Variants in NOTCH3 observed in about 807,000 individuals in gnomAD.
NOTCH3 encodes notch receptor 3, also known as neurogenic locus notch homolog protein 3.
NOTCH3 carries 86 observed loss-of-function variants against 213.3 expected under a neutral mutation model. The ratio of observed to expected loss-of-function variants is 0.40; its 90% CI spans 0.34 to 0.48. The LOEUF (loss-of-function observed/expected upper bound fraction) is 0.48, where lower values mean the gene tolerates loss of function less well. Among genes scored for constraint, NOTCH3 ranks in the 20% least tolerant of loss-of-function variants. The pLI, the probability that NOTCH3 is intolerant of heterozygous loss-of-function variation, is 0.57. For missense variants in NOTCH3, 2,783 were observed against 3,272.6 expected, an observed-to-expected ratio of 0.85 and a Z score of 3.65; for synonymous variants, 1,354 against 1,355.9, an observed-to-expected ratio of 1.00 and a Z score of 0.03.
In NOTCH3 at chr19:15,177,607, G is replaced by T. The variant is rs2046802708; in HGVS notation, c.4321C>A (p.Arg1441Ser). 1.3e-6 allele frequency: 2 copies of T among 1,595,108 alleles called. No individual in the cohort carries two copies. Residue 1441 changes from arginine to serine, a missense_variant, in exon 24 of 33, where the codon CGC (arginine) becomes AGC (serine). Transcript: ENST00000263388. ...LQCWRLFNNS[R>S]CDPACSSPAC... is the part of the protein sequence containing the mutation. ...GGCGAGCTGCAGGCGGGGTCGCAGC[G>T]GCTGTTGTTGAAGAGGCGCCAGCAC...
At chr19:15,178,790 ACTC>A (rs1218753384) in intron 23 of NOTCH3, 30 bp downstream of exon 23, 1 of 1,481,916 alleles carries the variant, frequency 6.7e-7, no homozygotes, top group African/African-American at 1.4e-5. Context: ...CCACGCCCCT[ACTC>A]CTCCTCCAAA....
rs1257366364 is a variant in NOTCH3, at chr19:15,179,423, C to T, written c.3401G>A (p.Gly1134Glu). The change falls in exon 21 of 33, where the codon GGG becomes GAG. Residue 1134 changes from glycine (G) to glutamate (E), a missense_variant. By Grantham distance (98) the Gly-to-Glu change is moderately conservative (BLOSUM62 -2). Transcript: ENST00000263388. Reference protein sequence around the residue: ...DECASQPCQHGGSCIDLVARY... With the variant: ...DECASQPCQHEGSCIDLVARY... ...GGCCACGAGGTCAATGCATGAACCC[C>T]CGTGCTGGCAGGGCTGGGAGGCACA... The T allele has an allele frequency of 6.8e-6, 11 of 1,614,064 alleles. No individual in the cohort carries two copies. Among genetic ancestry groups the T allele is most frequent in the Non-Finnish European group, 9.3e-6 (11 of 1,180,056 alleles).
chr19:15,191,014 C>T (rs976950073), intron 6 of NOTCH3, among the ~76,000 whole-genome samples: 3 of 152,038 alleles, frequency 2.0e-5, no homozygotes, highest in Non-Finnish European at 2.9e-5. Context: ...AGCCACTGTG[C>T]CCGGCCTAGC....
chr19:15,186,459 C>T (rs867748340), intron 12 of NOTCH3, among the ~76,000 whole-genome samples: 22 of 151,286 alleles, frequency 1.5e-4, no homozygotes, highest in African/African-American at 5.4e-4. Context: ...GACTGGAGTA[C>T]AGTGGCACAA....
At position 15,171,628 on chromosome 19, in the gene NOTCH3, G is replaced by C. The variant is rs554657318; in HGVS notation, c.4737-803C>G. On this transcript the variant is annotated intron_variant, in intron 25 of 32. Transcript: ENST00000263388. ...TCCTCCCACCTCAGCCTCCCAATGT[G>C]CTGGGTTTACAGGCCTGGGCCACTA... Among the ~76,000 whole-genome samples, 4 of 152,324 alleles carry C rather than the reference G, an allele frequency of 2.6e-5. No homozygotes were observed. The South Asian group carries it at 8.3e-4, about 32-fold the overall frequency.
At position 15,178,830 on chromosome 19, in the gene NOTCH3, C is replaced by T. The variant is rs1339695535; in HGVS notation, c.3830G>A (p.Cys1277Tyr). 3 of 1,594,268 alleles carry T rather than the reference C, an allele frequency of 1.9e-6. No homozygotes were observed. Among genetic ancestry groups the T allele is most frequent in the South Asian group, 2.3e-5 (2 of 88,390 alleles). ...GCCGCCACCCACACCTACCTGGGCA[C>T]AGTGACAGGTGAAGGTCAGCCCACC... ...PGGGLTFTCH[C>Y]AQPFWGPRCE... The change falls in exon 23 of 33, where the codon TGT becomes TAT. Residue 1277 changes from cysteine (C) to tyrosine (Y), a missense_variant. Around this residue, in one of 6 missense-constraint regions of NOTCH3, gnomAD observed 861 missense variants for 909.1 expected, o/e 0.95. Coordinates refer to ENST00000263388, the MANE Select transcript of NOTCH3 (RefSeq NM_000435.3).
rs1007188566 is a variant in NOTCH3 at position 15,159,557 on chromosome 19, A to T, written c.*1105T>A. On this transcript the variant is annotated 3_prime_UTR_variant, in exon 33 of 33. Coordinates refer to ENST00000263388, the MANE Select transcript of NOTCH3 (RefSeq NM_000435.3). ...GTATTTACCCCAAGATGGGAGCTCAAGTTAGCCCTGGGTGGGGGAGATAGA... is the reference window on the plus strand; with the variant it reads ...GTATTTACCCCAAGATGGGAGCTCATGTTAGCCCTGGGTGGGGGAGATAGA... The T allele has an allele frequency of 1.0e-4, 22 of 214,902 alleles. No individual in the cohort carries two copies. The highest frequency in any genetic ancestry group is 2.0e-4 in the Non-Finnish European group (21 of 106,574). The allele number at this position is 214,902 out of a possible 1,614,324, so 13.3% of individuals were successfully genotyped here.
intron 25 of NOTCH3, 76 bp downstream of exon 25, chr19:15,173,992 G>GA: frequency 7.8e-7 from 1 of 1,288,222 alleles, no homozygotes; most frequent in Non-Finnish European, 1.1e-6. Flanking sequence ...TAAGTGAAAT[G>GA]AAACACACAA....
In NOTCH3 at chr19:15,183,030, GGCTTGAGGCCAGGA is replaced by G. The variant is rs1337981395; in HGVS notation, c.2567-1243_2567-1230del. ...GTCTGAGAGTCCAAGGCAGGAGGAT[GGCTTGAGGCCAGGA>G]GTTTGAGACCAGCCTAGACAACGCA... On this transcript the variant is annotated intron_variant, in intron 16 of 32. Transcript: ENST00000263388. Among the ~76,000 whole-genome samples the G allele has an allele frequency of 2.8e-4, 43 of 152,244 alleles. No individual in the cohort carries two copies. In the East Asian group the frequency reaches 7.5e-3, roughly 27 times the overall value.
chr19:15,183,396 G>GTTTGTTTGTTTGTTTC (rs2046855689), intron 16 of NOTCH3, among the ~76,000 whole-genome samples: 1 of 151,818 alleles, frequency 6.6e-6, no homozygotes, highest in Non-Finnish European at 1.5e-5. Flanking sequence ...TTGTTTGTTT[G>GTTTGTTTGTTTGTTTC]TTTGTTTGTT....
In NOTCH3 at chr19:15,185,394, C is replaced by T. The variant is rs2145429703; in HGVS notation, c.2159G>A (p.Cys720Tyr). 6.2e-7 allele frequency: 1 copy of T among 1,612,270 alleles called. No homozygotes were observed. The highest frequency in any genetic ancestry group is 8.5e-7 in the Non-Finnish European group (1 of 1,179,604). The change falls in exon 14 of 33, where the codon TGT becomes TAT. Residue 720 changes from cysteine to tyrosine, a missense_variant. Cys to Tyr is a radical substitution (Grantham distance 194). Coordinates refer to ENST00000263388, the MANE Select transcript of NOTCH3 (RefSeq NM_000435.3). The surrounding 1 kb of genome is among the most constrained non-coding windows in gnomAD (Gnocchi z 4.2). ...GCGGGGGCCACTCCAGCCAGGCTCA[C>T]ACACACAGCGGAACCTGGCAGGGGA... ...YDAPGGFRCV[C>Y]EPGWSGPRCS...
chr19:15,167,659 T>G (rs998447471), intron 28 of NOTCH3, among the ~76,000 whole-genome samples: 1 of 152,170 alleles, frequency 6.6e-6, no homozygotes, highest in African/African-American at 2.4e-5. Context: ...GTTCAAGTGA[T>G]TCTCCTGCCT....
intron 1 of NOTCH3, among the ~76,000 whole-genome samples, chr19:15,198,926 GAGA>G (rs970986573): frequency 1.3e-5 from 2 of 152,134 alleles, no homozygotes; most frequent in East Asian, 1.9e-4. Context: ...AAAAGAGAGA[GAGA>G]AGGACAGAAA....
chr19:15,174,489 G>T, intron 24 of NOTCH3, 89 bp from the exon 25 acceptor site: 1 of 970,014 alleles, frequency 1.0e-6, no homozygotes, highest in Non-Finnish European at 1.5e-6. Flanking sequence ...AGAGTACAGA[G>T]ACTCCAGACA....
chr19:15,189,249 C>T, intron 7 of NOTCH3, 24 bp downstream of exon 7: 1 of 1,613,942 alleles, frequency 6.2e-7, no homozygotes, highest in Non-Finnish European at 8.5e-7. Flanking sequence ...CCAGCCCATT[C>T]ACAGACGATG....
At position 15,174,244 on chromosome 19, in the gene NOTCH3, C is replaced by A. The variant is rs370010007; in HGVS notation, c.4560G>T (p.Pro1520=). Residue 1520 remains proline (P), a synonymous_variant, in exon 25 of 33, where the codon CCG becomes CCT. Transcript: ENST00000263388. The stretch of plus-strand genomic sequence containing the variant: ...CGCTGGAACGCAGTAGCTCCTCTGG[C>A]GGCAGCAGCACTGTGAGCACCAGCA... ...RGVLVLTVLL[P]PEELLRSSAD... 2.4e-4 allele frequency: 379 copies of A among 1,589,186 alleles called. No individual in the cohort carries two copies. The highest frequency in any genetic ancestry group is 3.0e-4 in the Non-Finnish European group (357 of 1,171,000).
At chr19:15,197,690 G>A (rs2046979970) in intron 1 of NOTCH3, 112 bp from the exon 2 acceptor site, 2 of 864,498 alleles carry the variant, frequency 2.3e-6, no homozygotes, top group Admixed American at 2.2e-5. Context: ...GGGGATGGGG[G>A]CGTCTCTGCG....
At chr19:15,166,704 C>T (rs1294142539) in intron 29 of NOTCH3, among the ~76,000 whole-genome samples, 4 of 152,232 alleles carry the variant, frequency 2.6e-5, no homozygotes, top group Admixed American at 6.5e-5. Context: ...CGCTACACTG[C>T]ACACACTGTA....
Position 15,174,120 on chromosome 19 carries a change from T to C in NOTCH3, c.4684A>G (p.Ser1562Gly), listed in dbSNP as rs2046766253. 6.2e-7 allele frequency: 1 copy of C among 1,603,050 alleles called. No homozygotes were observed. Among genetic ancestry groups the C allele is most frequent in the Non-Finnish European group, 8.5e-7 (1 of 1,173,130 alleles). ...CGGGCCCGGGGTTCGGAGCCAGGACTAGGCCGGTGGTAAGGGAAGACCATG... is the reference window on the plus strand; with the variant it reads ...CGGGCCCGGGGTTCGGAGCCAGGACCAGGCCGGTGGTAAGGGAAGACCATG... The part of the protein sequence containing the change: ...QAMVFPYHRP[S>G]PGSEPRARRE... The change falls in exon 25 of 33, where the codon AGT (serine) becomes GGT (glycine). Residue 1562 changes from serine (S) to glycine (G), a missense_variant. Ser to Gly is a moderately conservative substitution (Grantham distance 56, BLOSUM62 0). Transcript: ENST00000263388.
Sources: gnomAD v4.1 joint callset for allele counts (sites outside exome capture counted in the v4.1 genomes callset) on GRCh38, gnomAD v4.1.1 for gene constraint, gnomAD v4.1.1 regional missense constraint, Gnocchi (gnomAD v3.1) non-coding constraint, MANE v1.5 for transcripts, NCBI Gene and HGNC (gene_info 2026-07-23, HGNC 2026-07-21) for gene names.